DYNC1LI1: variants seen among roughly 807,000 people sequenced by gnomAD.
The protein encoded by DYNC1LI1 is cytoplasmic dynein 1 light intermediate chain 1.
A neutral mutation model predicts 63.8 loss-of-function variants in DYNC1LI1; 19 were observed. The ratio of observed to expected loss-of-function variants is 0.30; its 90% CI spans 0.21 to 0.44. The LOEUF (loss-of-function observed/expected upper bound fraction) is 0.44. Among genes scored for constraint, DYNC1LI1 ranks in the 20% least tolerant of loss-of-function variants. The pLI is 1.00. For missense variants in DYNC1LI1, 565 were observed against 630.2 expected (o/e 0.90, Z 1.11); for synonymous variants, 225 against 232.3 (o/e 0.97, Z 0.28).
chr3:32,539,775 T>C (rs1257020397), intron 5 of DYNC1LI1, among the ~76,000 whole-genome samples: 2 of 151,762 alleles, frequency 1.3e-5, no homozygotes, highest in Non-Finnish European at 2.9e-5. Flanking sequence ...GATCTCATGA[T>C]CCGCCCACCT....
chr3:32,558,403 TAAA>T (rs533076265), intron 2 of DYNC1LI1, among the ~76,000 whole-genome samples: 1 of 90,392 alleles, frequency 1.1e-5, no homozygotes, highest in Non-Finnish European at 2.1e-5. Context: ...TTTAAAAATG[TAAA>T]AAAAAAAAAA....
At chr3:32,545,598 A>G in intron 3 of DYNC1LI1, 1 of 442,264 alleles carries the variant, frequency 2.3e-6, no homozygotes, top group South Asian at 3.0e-5. Context: ...GAACTGAAAA[A>G]CTGAGATTCT....
chr3:32,552,210 ACCT>A (rs1015572817), intron 2 of DYNC1LI1, among the ~76,000 whole-genome samples: 3 of 151,864 alleles, frequency 2.0e-5, no homozygotes, highest in African/African-American at 7.3e-5. Flanking sequence ...CTTAAATATT[ACCT>A]CCTCAGGTAG....
At chr3:32,553,168 T>A (rs1698067257) in intron 2 of DYNC1LI1, among the ~76,000 whole-genome samples, 1 of 151,922 alleles carries the variant, frequency 6.6e-6, no homozygotes, top group Non-Finnish European at 1.5e-5. Flanking sequence ...ATCCTCTATC[T>A]ACAAAAAAAT....
At chr3:32,570,227 G>A in intron 2 of DYNC1LI1, 119 bp downstream of exon 2, 1 of 853,086 alleles carries the variant, frequency 1.2e-6, no homozygotes, top group Non-Finnish European at 1.9e-6. Context: ...GTCGGGAGGC[G>A]AGGCGGGGCG....
intron 7 of DYNC1LI1, among the ~76,000 whole-genome samples, chr3:32,533,389 A>G (rs996445842): frequency 1.3e-5 from 2 of 152,180 alleles, no homozygotes; most frequent in Non-Finnish European, 2.9e-5. Context: ...AGACAGGAGA[A>G]TCGCTTGAGC....
intron 3 of DYNC1LI1, 47 bp downstream of exon 3, chr3:32,545,802 G>T: frequency 7.8e-7 from 1 of 1,280,088 alleles, no homozygotes; most frequent in Non-Finnish European, 1.1e-6. Flanking sequence ...GAATGGCAGT[G>T]CACCTCAAAA....
chr3:32,564,655 A>G (rs1330956866), intron 2 of DYNC1LI1, among the ~76,000 whole-genome samples: 3 of 152,244 alleles, frequency 2.0e-5, no homozygotes, highest in African/African-American at 7.2e-5. Flanking sequence ...TATAATAAAC[A>G]TGTAATAAAT....
intron 2 of DYNC1LI1, among the ~76,000 whole-genome samples, chr3:32,557,525 A>G (rs1482109296): frequency 6.6e-6 from 1 of 152,106 alleles, no homozygotes; most frequent in Non-Finnish European, 1.5e-5. Flanking sequence ...TCCGTCTCAA[A>G]AAAAGTAAAT....
chr3:32,545,286 A>T, intron 3 of DYNC1LI1, 180 bp from the exon 4 acceptor site: 1 of 601,628 alleles, frequency 1.7e-6, no homozygotes, highest in Non-Finnish European at 2.9e-6. Context: ...CTTAACTGCC[A>T]GTAAAGTTCA....
chr3:32,567,332 T>A (rs1038855879), intron 2 of DYNC1LI1, among the ~76,000 whole-genome samples: 3 of 152,060 alleles, frequency 2.0e-5, no homozygotes, highest in Admixed American at 6.5e-5. Context: ...TGACAATGGC[T>A]CTTACACATA....
At chr3:32,529,232 T>C (rs1460973816) in intron 11 of DYNC1LI1, among the ~76,000 whole-genome samples, 2 of 152,214 alleles carry the variant, frequency 1.3e-5, no homozygotes, top group Non-Finnish European at 2.9e-5. Context: ...ATAACTATTA[T>C]GCATATAGTT....
Position 32,570,761 on chromosome 3 carries a change from C to T in DYNC1LI1, c.10G>A (p.Val4Met), listed in dbSNP as rs1698339335. The T allele has an allele frequency of 1.2e-6, 2 of 1,600,748 alleles. No individual in the cohort carries two copies. Among genetic ancestry groups the T allele is most frequent in the Non-Finnish European group, 1.7e-6 (2 of 1,173,580 alleles). The change falls in exon 1 of 13, where the codon GTG (valine) becomes ATG (methionine). Residue 4 changes from valine to methionine, a missense_variant. Val to Met is a conservative substitution (Grantham distance 21, BLOSUM62 1). Transcript: ENST00000273130. MAA[V>M]GRVGSFGSSP... ...GAACCGAAGGAGCCGACTCGCCCCA[C>T]GGCCGCCATCTTGGTCGGGAATCAC... is the stretch of plus-strand genomic sequence containing the variant.
chr3:32,565,563 G>A (rs1017773150), intron 2 of DYNC1LI1, among the ~76,000 whole-genome samples: 1 of 152,188 alleles, frequency 6.6e-6, no homozygotes, highest in Non-Finnish European at 1.5e-5. Flanking sequence ...TTCCTTTAGG[G>A]AGATTCTATA....
intron 2 of DYNC1LI1, 105 bp downstream of exon 2, chr3:32,570,241 C>A: frequency 1.1e-6 from 1 of 941,568 alleles, no homozygotes; most frequent in Non-Finnish European, 1.7e-6. Context: ...CGGGGCGGGG[C>A]TGGGCCGGCT....
chr3:32,530,394 A>G, intron 9 of DYNC1LI1, 66 bp from the exon 10 acceptor site: 2 of 1,598,628 alleles, frequency 1.3e-6, no homozygotes, highest in South Asian at 2.2e-5. Flanking sequence ...GTATTTTTAA[A>G]GAAAATACAC....
At chr3:32,542,408 ATT>A (rs35822448) in intron 4 of DYNC1LI1, among the ~76,000 whole-genome samples, 1,871 of 133,628 alleles carry the variant, frequency 0.014, 32 homozygotes, top group African/African-American at 0.049. Flanking sequence ...GCTATTTTCA[ATT>A]TTTTTTTTTT....
intron 2 of DYNC1LI1, among the ~76,000 whole-genome samples, chr3:32,566,293 G>C (rs1698258914): frequency 6.6e-6 from 1 of 151,956 alleles, no homozygotes; most frequent in Non-Finnish European, 1.5e-5. Flanking sequence ...TTCTGTGTCT[G>C]TTTCCTGATC....
intron 2 of DYNC1LI1, among the ~76,000 whole-genome samples, chr3:32,562,337 T>C (rs988894391): frequency 1.3e-5 from 2 of 152,322 alleles, no homozygotes; most frequent in African/African-American, 2.4e-5. Flanking sequence ...ATTATTTTCA[T>C]GTTCTTTCTT....
Sources: allele counts gnomAD v4.1 joint callset (sites outside exome capture counted in the v4.1 genomes callset), GRCh38; gene constraint gnomAD v4.1.1; transcripts MANE v1.5; gene names NCBI Gene and HGNC (gene_info 2026-07-23, HGNC 2026-07-21).